CFLAR: variants seen among roughly 807,000 people sequenced by gnomAD.
CFLAR encodes the protein CASP8 and FADD-like apoptosis regulator.
CFLAR carries 14 observed loss-of-function variants against 51.1 expected under a neutral mutation model. That is an observed-to-expected ratio of 0.27 (90% CI 0.18 to 0.43). The LOEUF is 0.43. CFLAR is among the 20% of genes least tolerant of loss of function. The probability of loss-of-function intolerance (pLI) is 1.00; values close to 1 mark genes in which losing one functional copy is unlikely to be tolerated. For synonymous variants in CFLAR, 210 were observed against 211.6 expected, an observed-to-expected ratio of 0.99 and a Z score of 0.06; for missense variants, 390 against 566.5, an observed-to-expected ratio of 0.69 and a Z score of 3.16.
At position 201,174,757 on chromosome 2, in the gene CFLAR, A is replaced by G. The variant is rs1944143710; in HGVS notation, c.*10784A>G. ...TATAACTGTTAGGATTCACTTGCAA[A>G]TTTATGTAAAAAGGGCCTCTGGAAT... On this transcript the variant is annotated 3_prime_UTR_variant, in exon 10 of 10. Coordinates refer to ENST00000309955, the MANE Select transcript of CFLAR (RefSeq NM_003879.7). 1 of 152,120 alleles carries G rather than the reference A, an allele frequency of 6.6e-6. No homozygotes were observed. Among genetic ancestry groups the G allele is most frequent in the Non-Finnish European group, 1.5e-5 (1 of 68,044 alleles). 9.4% of individuals were successfully genotyped at this position (152,120 alleles called of 1,614,324 possible).
intron 9 of CFLAR, chr2:201,163,431 GAATA>G (rs1217699433): frequency 3.6e-6 from 4 of 1,111,002 alleles, no homozygotes; most frequent in Non-Finnish European, 2.2e-6. Context: ...CGTACCCCAG[GAATA>G]AATCTCATGG....
Position 201,118,244 on chromosome 2 carries a change from C to T in CFLAR, c.-138+1763C>T, listed in dbSNP as rs1175347378. On this transcript the variant is annotated intron_variant, in intron 1 of 9. Coordinates refer to ENST00000309955, the MANE Select transcript of CFLAR (RefSeq NM_003879.7). This position sits in a 1 kb window ranked among gnomAD's most constrained non-coding sequence, Gnocchi z 5.1. ...TTTCTGTTTGTAACTGACATTTGAC[C>T]TTCTTTTAACACGGTATTACTTGCT... is the stretch of plus-strand genomic sequence containing the variant. Among the ~76,000 whole-genome samples, 1 of 152,194 alleles carries T rather than the reference C, an allele frequency of 6.6e-6. No individual in the cohort carries two copies. The highest frequency in any genetic ancestry group is 1.5e-5 in the Non-Finnish European group (1 of 68,038).
intron 3 of CFLAR, among the ~76,000 whole-genome samples, chr2:201,133,446 C>G (rs1458066203): frequency 6.6e-6 from 1 of 152,084 alleles, no homozygotes; most frequent in Non-Finnish European, 1.5e-5. Context: ...GGGAAGACAT[C>G]CCATCTGCTT....
chr2:201,131,006 C>T (rs1463553625), intron 2 of CFLAR, among the ~76,000 whole-genome samples: 1 of 152,202 alleles, frequency 6.6e-6, no homozygotes, highest in Non-Finnish European at 1.5e-5. Context: ...GCACTTCCTG[C>T]GCTTGGAGAC....
In CFLAR at chr2:201,124,093, A is replaced by G. The variant is rs2048452692; in HGVS notation, c.-137-5636A>G. Among the ~76,000 whole-genome samples, 2 of 152,240 alleles carry G rather than the reference A, an allele frequency of 1.3e-5. No individual in the cohort carries two copies. The highest frequency in any genetic ancestry group is 4.8e-5 in the African/African-American group (2 of 41,460). On this transcript the variant is annotated intron_variant, in intron 1 of 9. Transcript: ENST00000309955. This position sits in a 1 kb window ranked among gnomAD's most constrained non-coding sequence, Gnocchi z 4.7. The stretch of plus-strand genomic sequence containing the variant: ...GACCTTGCTTCACTAGAGAAGCAGT[A>G]GAAAGAAGGGAATGTTAAGTACGTC...
At chr2:201,141,932 C>CT (rs1378441283) in intron 5 of CFLAR, 1 of 152,196 alleles carries the variant, frequency 6.6e-6, no homozygotes, top group East Asian at 1.9e-4. Context: ...TAGAATTTGT[C>CT]TAGCAGGCTT....
intron 8 of CFLAR, among the ~76,000 whole-genome samples, chr2:201,158,308 A>G (rs1216971523): frequency 6.6e-6 from 1 of 152,246 alleles, no homozygotes; most frequent in African/African-American, 2.4e-5. Context: ...GAGCACAAAT[A>G]AAGGAAAGAG....
intron 4 of CFLAR, chr2:201,139,105 T>G (rs1011533908): frequency 5.3e-6 from 2 of 377,198 alleles, no homozygotes; most frequent in Non-Finnish European, 1.0e-5. Flanking sequence ...TTCTTCTGCC[T>G]CGAGATGCTG....
chr2:201,127,458 C>A (rs1383974537), intron 1 of CFLAR, among the ~76,000 whole-genome samples: 1 of 151,888 alleles, frequency 6.6e-6, no homozygotes, highest in Non-Finnish European at 1.5e-5. Flanking sequence ...AGTTTGAGAC[C>A]AGCCTGAGAA....
In CFLAR at chr2:201,164,527, G is replaced by A. The variant is rs1559259731; in HGVS notation, c.*554G>A. 6.6e-6 allele frequency: 1 copy of A among 152,198 alleles called. No homozygotes were observed. The highest frequency in any genetic ancestry group is 1.5e-5 in the Non-Finnish European group (1 of 68,086). The allele number at this position is 152,198 out of a possible 1,614,324, so 9.4% of individuals were successfully genotyped here. On this transcript the variant is annotated 3_prime_UTR_variant, in exon 10 of 10. Transcript: ENST00000309955. Reference sequence around the variant, plus strand: ...AAGCATTCAGCATGAGAGAAAGATGGAGGCCAGAAGACTACACCAGTCTAG... The same window carrying A: ...AAGCATTCAGCATGAGAGAAAGATGAAGGCCAGAAGACTACACCAGTCTAG...
At chr2:201,136,433 A>C in intron 4 of CFLAR, 1 of 1,598,364 alleles carries the variant, frequency 6.3e-7, no homozygotes, top group Non-Finnish European at 8.5e-7. Flanking sequence ...GCTGAACCCT[A>C]CTGCCTTGCT....
Position 201,138,351 on chromosome 2 carries a change from T to G in CFLAR, c.524-2006T>G, listed in dbSNP as rs1007004490. The G allele has an allele frequency of 1.3e-6, 1 of 769,674 alleles. No homozygotes were observed. The allele number at this position is 769,674 out of a possible 1,614,324, so 47.7% of individuals were successfully genotyped here. ...CCCAGCAGCTGCTCATGGGAATCCTTGGAGGCCACAGGGTAGTCTCGGTTC... is the reference window on the plus strand; with the variant it reads ...CCCAGCAGCTGCTCATGGGAATCCTGGGAGGCCACAGGGTAGTCTCGGTTC... On this transcript the variant is annotated intron_variant, in intron 4 of 9. Coordinates refer to ENST00000309955, the MANE Select transcript of CFLAR (RefSeq NM_003879.7). The surrounding 1 kb of genome is among the most constrained non-coding windows in gnomAD (Gnocchi z 4.0).
Position 201,173,468 on chromosome 2 carries a change from A to C in CFLAR, c.*9495A>C, listed in dbSNP as rs1021039089. 6.6e-6 allele frequency: 1 copy of C among 152,142 alleles called. No homozygotes were observed. Among genetic ancestry groups the C allele is most frequent in the African/African-American group, 2.4e-5 (1 of 41,410 alleles). 9.4% of individuals were successfully genotyped at this position (152,142 alleles called of 1,614,324 possible). ...GTGATCCGCCTGCCTTGGCCTCCCA[A>C]AGTGCTGGGATTACAGGCGTGAGCC... On this transcript the variant is annotated 3_prime_UTR_variant, in exon 10 of 10. Coordinates refer to ENST00000309955, the MANE Select transcript of CFLAR (RefSeq NM_003879.7).
chr2:201,140,776 T>C (rs542987645), intron 5 of CFLAR: 201 of 159,534 alleles, frequency 1.3e-3, no homozygotes, highest in Non-Finnish European at 2.4e-3. Flanking sequence ...TATATATATA[T>C]ACATACATAC....
intron 1 of CFLAR, among the ~76,000 whole-genome samples, chr2:201,121,021 C>G (rs2048144673): frequency 6.6e-6 from 1 of 152,060 alleles, no homozygotes; most frequent in African/African-American, 2.4e-5. Flanking sequence ...ATGTAGATCT[C>G]CCTCTGCTGT....
At chr2:201,146,789 T>A (rs1186129226) in intron 6 of CFLAR, 1 of 152,250 alleles carries the variant, frequency 6.6e-6, no homozygotes, top group Non-Finnish European at 1.5e-5. Context: ...GGCAGTGGCC[T>A]AATAGAAGCC....
In CFLAR at chr2:201,176,566, A is replaced by T. The variant is rs573917139; in HGVS notation, c.*12593A>T. Reference sequence around the variant, plus strand: ...TGCTTCCTTCTGAAAAATTATGTCAAATACTAGCAGTTTCTCACTGTTTTT... The same window carrying T: ...TGCTTCCTTCTGAAAAATTATGTCATATACTAGCAGTTTCTCACTGTTTTT... On this transcript the variant is annotated 3_prime_UTR_variant, in exon 10 of 10. Coordinates refer to ENST00000309955, the MANE Select transcript of CFLAR (RefSeq NM_003879.7). 1 of 152,256 alleles carries T rather than the reference A, an allele frequency of 6.6e-6. No homozygotes were observed. The highest frequency in any genetic ancestry group is 1.9e-4 in the East Asian group (1 of 5,190). 9.4% of individuals were successfully genotyped at this position (152,256 alleles called of 1,614,324 possible).
chr2:201,145,337 ATAAC>A (rs748840222), intron 5 of CFLAR, 37 bp from the exon 6 acceptor site: 11 of 1,240,204 alleles, frequency 8.9e-6, no homozygotes, highest in Non-Finnish European at 1.3e-5. Context: ...TACCTCTGAA[ATAAC>A]TAACAGGAAG....
chr2:201,152,580 A>C (rs1474694042), intron 8 of CFLAR, among the ~76,000 whole-genome samples: 1 of 152,202 alleles, frequency 6.6e-6, no homozygotes, highest in Non-Finnish European at 1.5e-5. Flanking sequence ...CACTTGGTAC[A>C]TAGAGTCTGA....
Sources: gnomAD v4.1 joint callset for allele counts (sites outside exome capture counted in the v4.1 genomes callset) on GRCh38, gnomAD v4.1.1 for gene constraint, Gnocchi (gnomAD v3.1) non-coding constraint, MANE v1.5 for transcripts, NCBI Gene and HGNC (gene_info 2026-07-23, HGNC 2026-07-21) for gene names.